The following SPG21 variants were observed in gnomAD, a reference collection of about 807,000 sequenced individuals.
The protein encoded by SPG21 is maspardin.
In SPG21, 26 loss-of-function variants were observed where a neutral mutation model predicts 38.9. The observed-to-expected ratio is 0.67, with a 90% confidence interval of 0.49 to 0.93. The LOEUF (loss-of-function observed/expected upper bound fraction) is 0.93. Among genes scored for constraint, SPG21 ranks in the 40% least tolerant of loss-of-function variants. The pLI is 0.00. For missense variants in SPG21, 333 were observed against 376.5 expected, an observed-to-expected ratio of 0.88 and a Z score of 0.96; for synonymous variants, 136 against 128.9, an observed-to-expected ratio of 1.05 and a Z score of -0.37.
intron 1 of SPG21, chr15:64,987,052 T>C (rs1166557544): frequency 6.6e-6 from 1 of 152,204 alleles, no homozygotes; most frequent in African/African-American, 2.4e-5. Context: ...ATTCATAGCT[T>C]TGAAATCAGT....
chr15:64,988,224 AAAACAAAC>A (rs886801449), intron 1 of SPG21, among the ~76,000 whole-genome samples: 2 of 152,038 alleles, frequency 1.3e-5, no homozygotes, highest in African/African-American at 2.4e-5. Flanking sequence ...TCTGTCTCAA[AAAACAAAC>A]AAACAAACAA....
At chr15:64,974,121 T>TA (rs543533234) in intron 5 of SPG21, among the ~76,000 whole-genome samples, 4 of 152,326 alleles carry the variant, frequency 2.6e-5, no homozygotes, top group Admixed American at 2.6e-4. Context: ...AAGCTGAATT[T>TA]AGAGTTCATT....
intron 6 of SPG21, among the ~76,000 whole-genome samples, chr15:64,969,871 T>A (rs1864780079): frequency 6.6e-6 from 1 of 152,166 alleles, no homozygotes; most frequent in Admixed American, 6.5e-5. Flanking sequence ...TCCAGATGGA[T>A]GATCTGCTGT....
chr15:64,975,953 G>A (rs2085764297), intron 4 of SPG21, among the ~76,000 whole-genome samples: 1 of 151,994 alleles, frequency 6.6e-6, no homozygotes, highest in Admixed American at 6.6e-5. Flanking sequence ...GCTAGTAGGG[G>A]GGAAGATGAG....
At chr15:64,974,489 G>T in intron 5 of SPG21, 113 bp downstream of exon 5, 7 of 1,300,774 alleles carry the variant, frequency 5.4e-6, no homozygotes, top group Non-Finnish European at 7.5e-6. Context: ...AAAAAGCCAA[G>T]GAAGTTGCAG....
At chr15:64,963,799 C>T in intron 8 of SPG21, 63 bp from the exon 9 acceptor site, 1 of 1,473,568 alleles carries the variant, frequency 6.8e-7, no homozygotes. Context: ...TCTTGTTGCC[C>T]AGGCTGGAGT....
intron 8 of SPG21, 140 bp downstream of exon 8, chr15:64,965,180 C>T: frequency 8.7e-7 from 1 of 1,146,730 alleles, no homozygotes; most frequent in Non-Finnish European, 1.3e-6. Flanking sequence ...TAAATGTAAA[C>T]CACTTTTATC....
chr15:64,971,550 AT>A (rs1421626476), intron 5 of SPG21, among the ~76,000 whole-genome samples: 1 of 149,052 alleles, frequency 6.7e-6, no homozygotes, highest in Non-Finnish European at 1.5e-5. Flanking sequence ...AAAAAAAAAA[AT>A]TTACTGAGCC....
chr15:64,964,348 C>T (rs921558600), intron 8 of SPG21, among the ~76,000 whole-genome samples: 1 of 152,172 alleles, frequency 6.6e-6, no homozygotes, highest in Admixed American at 6.5e-5. Flanking sequence ...TGAGTTAGGT[C>T]CTTCCAATCT....
chr15:64,981,232 AGAACTACTTT>A (rs2085879445), intron 2 of SPG21: 1 of 586,070 alleles, frequency 1.7e-6, no homozygotes, highest in African/African-American at 1.9e-5. Flanking sequence ...AGAACTACTT[AGAACTACTTT>A]ATAATCTTCC....
chr15:64,981,342 T>G (rs924547190), intron 2 of SPG21: 6 of 312,620 alleles, frequency 1.9e-5, no homozygotes, highest in South Asian at 1.8e-4. Flanking sequence ...CAGGCTGGAG[T>G]GCAGTGGCAC....
At chr15:64,986,893 C>G (rs1286464673) in intron 1 of SPG21, among the ~76,000 whole-genome samples, 1 of 152,090 alleles carries the variant, frequency 6.6e-6, no homozygotes, top group Non-Finnish European at 1.5e-5. Context: ...GAGACATTTC[C>G]TAGTATTGCA....
Position 64,963,524 on chromosome 15 carries a change from G to GA in SPG21, c.*95dup. 9.9e-7 allele frequency: 1 copy of GA among 1,008,734 alleles called. No individual in the cohort carries two copies. Among genetic ancestry groups the GA allele is most frequent in the South Asian group, 1.3e-5 (1 of 76,668 alleles). The allele number at this position is 1,008,734 out of a possible 1,614,324, so 62.5% of individuals were successfully genotyped here. A position where few individuals can be genotyped will look rare whatever the true frequency, so the allele number is the denominator to read the frequency against. ...AGACACAGTGAGAACCGGTGAGCCT[G>GA]ACGAACCTGAAGGAAAAGGCTGGCT... On this transcript the variant is annotated 3_prime_UTR_variant, in exon 9 of 9. Coordinates refer to ENST00000204566, the MANE Select transcript of SPG21 (RefSeq NM_016630.7).
At chr15:64,984,636 G>C (rs1189870657) in intron 1 of SPG21, among the ~76,000 whole-genome samples, 1 of 152,070 alleles carries the variant, frequency 6.6e-6, no homozygotes, top group African/African-American at 2.4e-5. Context: ...ACGGGTATGA[G>C]CTACCACACC....
intron 3 of SPG21, among the ~76,000 whole-genome samples, chr15:64,978,440 T>TC (rs1376654278): frequency 6.6e-6 from 1 of 151,788 alleles, no homozygotes; most frequent in East Asian, 2.0e-4. Flanking sequence ...AGAGTGAGAC[T>TC]CCATCTCCAA....
intron 1 of SPG21, 134 bp from the exon 2 acceptor site, chr15:64,983,727 T>C (rs2085930805): frequency 8.0e-6 from 5 of 622,138 alleles, no homozygotes; most frequent in Middle Eastern, 4.4e-4. Flanking sequence ...TGTCAGTATA[T>C]AGTCCAACTA....
chr15:64,979,771 C>T lies in SPG21; in HGVS notation c.225+1093G>A, dbSNP rs1047229546. 7.4e-5 allele frequency among the ~76,000 whole-genome samples: 11 copies of T among 148,848 alleles called. No homozygotes were observed. In the East Asian group the frequency reaches 7.9e-4, roughly 11 times the overall value. On this transcript the variant is annotated intron_variant, in intron 3 of 8. Transcript: ENST00000204566. ...ACCACTTACAAGTGAATACTGCAGG[C>T]GACTGCCAGCTAAAGAGACTCTCTC...
intron 1 of SPG21, among the ~76,000 whole-genome samples, chr15:64,985,898 G>A (rs1301506946): frequency 1.3e-5 from 2 of 152,156 alleles, no homozygotes; most frequent in East Asian, 1.9e-4. Flanking sequence ...TTGACATTGT[G>A]ATAATGGTCT....
intron 3 of SPG21, among the ~76,000 whole-genome samples, chr15:64,977,391 T>A (rs1020353504): frequency 1.4e-5 from 2 of 148,142 alleles, no homozygotes; most frequent in African/African-American, 2.5e-5. Flanking sequence ...AGGGTCTCAC[T>A]CTCTCTCACC....
Sources: gnomAD v4.1 joint callset for allele counts (sites outside exome capture counted in the v4.1 genomes callset) on GRCh38, gnomAD v4.1.1 for gene constraint, MANE v1.5 for transcripts, NCBI Gene and HGNC (gene_info 2026-07-23, HGNC 2026-07-21) for gene names.